The following TMOD1 variants were observed in gnomAD, a reference collection of about 807,000 sequenced individuals.
TMOD1 encodes the protein tropomodulin-1.
TMOD1 carries 17 observed loss-of-function variants against 40.6 expected under a neutral mutation model. That is an observed-to-expected ratio of 0.42 (90% confidence interval 0.29 to 0.63). TMOD1 has a LOEUF of 0.63. TMOD1 is among the 20% of genes least tolerant of loss of function. The pLI, the probability that TMOD1 is intolerant of heterozygous loss-of-function variation, is 0.22. For synonymous variants in TMOD1, 181 were observed against 175.0 expected, an observed-to-expected ratio of 1.03 and a Z score of -0.27; for missense variants, 391 against 447.6, an observed-to-expected ratio of 0.87 and a Z score of 1.14.
chr9:97,544,661 G>A (rs990421879), intron 2 of TMOD1, among the ~76,000 whole-genome samples: 1 of 152,136 alleles, frequency 6.6e-6, no homozygotes, highest in African/African-American at 2.4e-5. Flanking sequence ...CCTCACAGAG[G>A]CAGCTTTCAG....
At chr9:97,546,071 C>T in intron 2 of TMOD1, 114 bp from the exon 3 acceptor site, 6 of 1,253,322 alleles carry the variant, frequency 4.8e-6, no homozygotes, top group Non-Finnish European at 6.5e-6. Flanking sequence ...GCTCTGAGGT[C>T]CCTTCTGTTC....
intron 4 of TMOD1, among the ~76,000 whole-genome samples, chr9:97,556,730 C>G (rs1830542551): frequency 6.6e-6 from 1 of 152,198 alleles, no homozygotes; most frequent in Admixed American, 6.5e-5. Flanking sequence ...GAGTGAGCGT[C>G]TGAACAGAAT....
At chr9:97,573,145 G>A (rs764840324) in intron 8 of TMOD1, among the ~76,000 whole-genome samples, 1 of 152,214 alleles carries the variant, frequency 6.6e-6, no homozygotes, top group Admixed American at 6.5e-5. Context: ...GAGGGAGCCT[G>A]CAGGCCCGGC....
chr9:97,553,157 C>T (rs183696858), intron 3 of TMOD1, 124 bp from the exon 4 acceptor site: 12 of 1,439,350 alleles, frequency 8.3e-6, no homozygotes, highest in Non-Finnish European at 1.0e-5. Context: ...GAGGGAGAAA[C>T]CTGAAGGGAC....
chr9:97,530,025 A>G (rs1022124888), intron 2 of TMOD1, among the ~76,000 whole-genome samples: 2 of 152,144 alleles, frequency 1.3e-5, no homozygotes, highest in African/African-American at 2.4e-5. Flanking sequence ...TGGGATTCCA[A>G]CCTAGACAGT....
At chr9:97,505,050 A>G (rs1480075056) in intron 1 of TMOD1, among the ~76,000 whole-genome samples, 1 of 152,208 alleles carries the variant, frequency 6.6e-6, no homozygotes, top group African/African-American at 2.4e-5. Flanking sequence ...TTGGCTAATC[A>G]TGATAGAACC....
chr9:97,514,444 ATTTATATT>A (rs926558222), intron 1 of TMOD1, among the ~76,000 whole-genome samples: 1 of 151,960 alleles, frequency 6.6e-6, no homozygotes, highest in African/African-American at 2.4e-5. Context: ...TTATCTTTGA[ATTTATATT>A]TTTAAGTGAA....
In TMOD1 at chr9:97,600,103, C is replaced by CT; in HGVS notation, c.*408dup. On this transcript the variant is annotated 3_prime_UTR_variant, in exon 10 of 10. Coordinates refer to ENST00000259365, the MANE Select transcript of TMOD1 (RefSeq NM_003275.4). The stretch of plus-strand genomic sequence containing the variant: ...CATGCTTTTGAAGTATTATAAAACA[C>CT]TTTATTACAAATTTGTCTTAGCTAT... 9.9e-7 allele frequency: 1 copy of CT among 1,008,068 alleles called. No homozygotes were observed. The highest frequency in any genetic ancestry group is 9.2e-5 in the East Asian group (1 of 10,922). 62.4% of individuals were successfully genotyped at this position (1,008,068 alleles called of 1,614,324 possible).
chr9:97,517,086 C>T (rs967399003), intron 1 of TMOD1, among the ~76,000 whole-genome samples: 2 of 152,092 alleles, frequency 1.3e-5, no homozygotes, highest in East Asian at 1.9e-4. Flanking sequence ...GTGGCTCACA[C>T]GTATAATCCC....
At chr9:97,526,439 G>A (rs555888628) in intron 2 of TMOD1, among the ~76,000 whole-genome samples, 2 of 152,180 alleles carry the variant, frequency 1.3e-5, no homozygotes, top group East Asian at 1.9e-4. Context: ...CCTAGACAAG[G>A]GTCTTCATCC....
intron 8 of TMOD1, among the ~76,000 whole-genome samples, chr9:97,582,005 A>G (rs1825767437): frequency 6.7e-6 from 1 of 150,324 alleles, no homozygotes; most frequent in Non-Finnish European, 1.5e-5. Context: ...GTTTAATTAG[A>G]TCCCATTTGT....
chr9:97,564,149 T>A lies in TMOD1; in HGVS notation c.599T>A (p.Val200Asp), dbSNP rs1330912136. 1 of 1,607,812 alleles carries A rather than the reference T, an allele frequency of 6.2e-7. No individual in the cohort carries two copies. The highest frequency in any genetic ancestry group is 8.5e-7 in the Non-Finnish European group (1 of 1,176,678). The part of the protein sequence containing the change: ...IKNNDPKLEE[V>D]NLNNIRNIPI... ...AACAACGACCCAAAACTTGAAGAAG[T>A]TAACCTCAATAATATCCGGGTAAGG... Residue 200 changes from valine (V) to aspartate (D), a missense_variant, in exon 6 of 10, where the codon GTT becomes GAT. Val to Asp is a radical substitution (Grantham distance 152, BLOSUM62 -3). Transcript: ENST00000259365.
intron 1 of TMOD1, among the ~76,000 whole-genome samples, chr9:97,511,606 T>G (rs758332160): frequency 1.4e-4 from 22 of 152,124 alleles, no homozygotes; most frequent in Non-Finnish European, 2.4e-4. Context: ...TTGTTTGTTT[T>G]TTGTGTCTCA....
intron 3 of TMOD1, among the ~76,000 whole-genome samples, chr9:97,548,838 G>T (rs1830407496): frequency 6.6e-6 from 1 of 152,206 alleles, no homozygotes; most frequent in South Asian, 2.1e-4. Context: ...AATGCTAGTT[G>T]TTGGAGTTCT....
At chr9:97,508,571 A>G (rs926037059) in intron 1 of TMOD1, among the ~76,000 whole-genome samples, 4 of 152,204 alleles carry the variant, frequency 2.6e-5, no homozygotes, top group African/African-American at 9.7e-5. Flanking sequence ...TATATGTAAA[A>G]TGCTTAAGAC....
chr9:97,541,438 T>G (rs905439260), intron 2 of TMOD1, among the ~76,000 whole-genome samples: 1 of 152,030 alleles, frequency 6.6e-6, no homozygotes, highest in Non-Finnish European at 1.5e-5. Flanking sequence ...TCTGCCTGCT[T>G]CAGCCTCCCA....
chr9:97,565,492 G>A (rs1211016339), intron 6 of TMOD1, among the ~76,000 whole-genome samples: 1 of 151,980 alleles, frequency 6.6e-6, no homozygotes, highest in African/African-American at 2.4e-5. Context: ...TAGCAAGTCA[G>A]GAACATTGCC....
chr9:97,576,221 A>C (rs1448642039), intron 8 of TMOD1, among the ~76,000 whole-genome samples: 8 of 152,124 alleles, frequency 5.3e-5, no homozygotes, highest in African/African-American at 1.9e-4. Context: ...GAGGGAGCTC[A>C]CTAGAGACCA....
At position 97,572,681 on chromosome 9, in the gene TMOD1, G is replaced by C. The variant is rs555342679; in HGVS notation, c.870+3644G>C. ...TATTCCTCATTCCTGGTTAGTCACC[G>C]AGGTCCTTGGAGACGGGAGCTTTTT... On this transcript the variant is annotated intron_variant, in intron 8 of 9. Coordinates refer to ENST00000259365, the MANE Select transcript of TMOD1 (RefSeq NM_003275.4). Among the ~76,000 whole-genome samples, 20 of 152,250 alleles carry C rather than the reference G, an allele frequency of 1.3e-4. No individual in the cohort carries two copies. The South Asian group carries it at 4.1e-3, about 32-fold the overall frequency.
Sources: allele counts gnomAD v4.1 joint callset (sites outside exome capture counted in the v4.1 genomes callset), GRCh38; gene constraint gnomAD v4.1.1; transcripts MANE v1.5; gene names NCBI Gene and HGNC (gene_info 2026-07-23, HGNC 2026-07-21).